Variants in SPTBN1 observed in about 807,000 individuals in gnomAD.
SPTBN1 encodes the protein spectrin beta, non-erythrocytic 1.
In SPTBN1, 32 loss-of-function variants were observed where a neutral mutation model predicts 266.4. That is an observed-to-expected ratio of 0.12 (90% CI 0.09 to 0.16). SPTBN1 has a LOEUF of 0.16. Ranked by LOEUF, SPTBN1 falls within the 10% of genes least tolerant of loss-of-function variation. The pLI, the probability that SPTBN1 is intolerant of heterozygous loss-of-function variation, is 1.00. For synonymous variants in SPTBN1, 1,336 were observed against 1,162.2 expected, an observed-to-expected ratio of 1.15 and a Z score of -3.04; for missense variants, 2,296 against 3,067.1, an observed-to-expected ratio of 0.75 and a Z score of 5.94.
chr2:54,650,297 C>G (rs1680186558), intron 26 of SPTBN1, among the ~76,000 whole-genome samples: 1 of 152,190 alleles, frequency 6.6e-6, no homozygotes, highest in South Asian at 2.1e-4. Flanking sequence ...GCATATCCAT[C>G]CAGAACAATT....
At chr2:54,587,428 A>G (rs912468257) in intron 2 of SPTBN1, among the ~76,000 whole-genome samples, 1 of 152,164 alleles carries the variant, frequency 6.6e-6, no homozygotes, top group African/African-American at 2.4e-5. Flanking sequence ...CTTAGTCTGT[A>G]TTCGTGTTAA....
Position 54,536,743 on chromosome 2 carries a change from A to G in SPTBN1, c.148+10177A>G, listed in dbSNP as rs1024932686. On this transcript the variant is annotated intron_variant, in intron 2 of 35. Coordinates refer to ENST00000356805, the MANE Select transcript of SPTBN1 (RefSeq NM_003128.3). ...GTGTGTGGTGGATATGGGGTAAAAG[A>G]AGGAGAGGCCGGGAGCTGTGGTTCA... is the stretch of plus-strand genomic sequence containing the variant. Among the ~76,000 whole-genome samples the G allele has an allele frequency of 2.0e-5, 3 of 152,134 alleles. No homozygotes were observed. In the South Asian group the frequency reaches 6.2e-4, roughly 31 times the overall value.
At chr2:54,519,600 G>A (rs1325830627) in intron 1 of SPTBN1, among the ~76,000 whole-genome samples, 2 of 152,142 alleles carry the variant, frequency 1.3e-5, no homozygotes, top group African/African-American at 4.8e-5. Context: ...TAGAGAGATG[G>A]GCAAGGTCCT....
At chr2:54,582,170 G>A (rs1389657483) in intron 2 of SPTBN1, among the ~76,000 whole-genome samples, 2 of 152,168 alleles carry the variant, frequency 1.3e-5, no homozygotes, top group African/African-American at 4.8e-5. Flanking sequence ...ATACATTAAT[G>A]CAAAACATTA....
In SPTBN1 at chr2:54,629,267, G is replaced by A. The variant is rs763677867; in HGVS notation, c.2133G>A (p.Gly711=). ...GEDMIAEEHF[G]SEKIRERIIY... The stretch of plus-strand genomic sequence containing the variant: ...ACATGATCGCGGAGGAGCACTTCGG[G>A]TCGGAGAAGATCCGTGAGAGGATCA... The change falls in exon 14 of 36, where the codon GGG becomes GGA. Residue 711 remains glycine (G), a synonymous_variant. Coordinates refer to ENST00000356805, the MANE Select transcript of SPTBN1 (RefSeq NM_003128.3). 1 of 1,614,074 alleles carries A rather than the reference G, an allele frequency of 6.2e-7. No individual in the cohort carries two copies. Among genetic ancestry groups the A allele is most frequent in the South Asian group, 1.1e-5 (1 of 91,084 alleles).
chr2:54,469,252 G>A (rs1260465046), intron 1 of SPTBN1, among the ~76,000 whole-genome samples: 1 of 152,122 alleles, frequency 6.6e-6, no homozygotes, highest in Non-Finnish European at 1.5e-5. Flanking sequence ...GTGGGAAGAG[G>A]GGAGAAATAT....
chr2:54,594,473 A>G (rs1179592263), intron 2 of SPTBN1, among the ~76,000 whole-genome samples: 3 of 152,232 alleles, frequency 2.0e-5, no homozygotes, highest in Non-Finnish European at 2.9e-5. Context: ...GGCAAATACT[A>G]TATACCATGC....
At chr2:54,599,580 C>G (rs1460370048) in intron 3 of SPTBN1, among the ~76,000 whole-genome samples, 3 of 152,192 alleles carry the variant, frequency 2.0e-5, no homozygotes, top group Admixed American at 2.0e-4. Flanking sequence ...GAACCTGTGT[C>G]CCACATGCGA....
intron 1 of SPTBN1, among the ~76,000 whole-genome samples, chr2:54,457,693 C>G (rs914480727): frequency 6.6e-6 from 1 of 152,220 alleles, no homozygotes; most frequent in South Asian, 2.1e-4. Flanking sequence ...CCTGCGGCCC[C>G]CGCCCGGCCC....
chr2:54,577,764 A>G (rs541953779), intron 2 of SPTBN1, among the ~76,000 whole-genome samples: 5 of 152,336 alleles, frequency 3.3e-5, no homozygotes, highest in Admixed American at 6.5e-5. Flanking sequence ...TTGGGACTCA[A>G]TTTTTAACCA....
chr2:54,661,446 T>G, intron 32 of SPTBN1: 3 of 985,876 alleles, frequency 3.0e-6, no homozygotes, highest in Non-Finnish European at 3.6e-6. Flanking sequence ...TGTCTTTTTT[T>G]TCTTTTGTCA....
In SPTBN1 at chr2:54,526,785, G is replaced by GTTAT. The variant is rs1670844593; in HGVS notation, c.148+224_148+227dup. 3 of 424,314 alleles carry GTTAT rather than the reference G, an allele frequency of 7.1e-6. No homozygotes were observed. The Admixed American group carries it at 1.2e-4, about 17-fold the overall frequency. 26.3% of individuals were successfully genotyped at this position (424,314 alleles called of 1,614,324 possible). ...GCCAAAATTATTCAGAGCACAGAGT[G>GTTAT]TTATTTATAGCAATTCAAGAACAGC... On this transcript the variant is annotated intron_variant, in intron 2 of 35. Coordinates refer to ENST00000356805, the MANE Select transcript of SPTBN1 (RefSeq NM_003128.3).
chr2:54,557,632 A>C, intron 2 of SPTBN1: 1 of 818,056 alleles, frequency 1.2e-6, no homozygotes, highest in Non-Finnish European at 1.5e-6. Context: ...TCCGGATCAT[A>C]AACAACTCCA....
intron 18 of SPTBN1, among the ~76,000 whole-genome samples, chr2:54,639,047 T>C (rs543818250): frequency 6.6e-6 from 1 of 152,196 alleles, no homozygotes; most frequent in Non-Finnish European, 1.5e-5. Flanking sequence ...AAGCACCACA[T>C]TGATGAATCT....
intron 1 of SPTBN1, among the ~76,000 whole-genome samples, chr2:54,506,279 T>C (rs1001494310): frequency 6.6e-6 from 1 of 152,170 alleles, no homozygotes; most frequent in Non-Finnish European, 1.5e-5. Flanking sequence ...GACCAGGCCA[T>C]GGACCTGTCC....
chr2:54,474,871 T>A (rs1008959377), intron 1 of SPTBN1, among the ~76,000 whole-genome samples: 1 of 152,148 alleles, frequency 6.6e-6, no homozygotes, highest in Non-Finnish European at 1.5e-5. Context: ...AAGTAAACTT[T>A]GTTTTCAAAA....
At chr2:54,583,749 C>A (rs1415304069) in intron 2 of SPTBN1, among the ~76,000 whole-genome samples, 1 of 152,132 alleles carries the variant, frequency 6.6e-6, no homozygotes, top group Non-Finnish European at 1.5e-5. Flanking sequence ...TTAGCATATT[C>A]ATTGAAGGCA....
At chr2:54,493,315 T>A (rs1008720020) in intron 1 of SPTBN1, among the ~76,000 whole-genome samples, 3 of 151,926 alleles carry the variant, frequency 2.0e-5, no homozygotes, top group Non-Finnish European at 4.4e-5. Context: ...CTAAGGAGCA[T>A]ATCTTGATGT....
intron 2 of SPTBN1, among the ~76,000 whole-genome samples, chr2:54,562,167 T>G (rs928257644): frequency 7.2e-5 from 11 of 152,322 alleles, no homozygotes; most frequent in African/African-American, 2.2e-4. Context: ...AAACCCAACC[T>G]CCCATATTTA....
Sources: allele counts gnomAD v4.1 joint callset (sites outside exome capture counted in the v4.1 genomes callset), GRCh38; gene constraint gnomAD v4.1.1; transcripts MANE v1.5; gene names NCBI Gene and HGNC (gene_info 2026-07-23, HGNC 2026-07-21).